Variants in NALF1 observed in about 807,000 individuals in gnomAD.
NALF1 encodes the protein family with sequence similarity 155 member A.
In NALF1, 3 loss-of-function variants were observed where a neutral mutation model predicts 48.4. That is an observed-to-expected ratio of 0.06 (90% CI 0.03 to 0.16). The LOEUF (loss-of-function observed/expected upper bound fraction) is 0.16. Among genes scored for constraint, NALF1 ranks in the 10% least tolerant of loss-of-function variants. NALF1 has a pLI of 1.00. For missense variants in NALF1, 526 were observed against 571.5 expected (o/e 0.92, Z 0.81); for synonymous variants, 262 against 245.7 (o/e 1.07, Z -0.62).
chr13:107,739,897 T>C (rs1876583935), intron 1 of NALF1, among the ~76,000 whole-genome samples: 1 of 152,218 alleles, frequency 6.6e-6, no homozygotes, highest in Admixed American at 6.5e-5. Context: ...GTGCTACTTA[T>C]GAGAATCTAA....
At chr13:107,748,910 G>T (rs1876854630) in intron 1 of NALF1, among the ~76,000 whole-genome samples, 2 of 152,148 alleles carry the variant, frequency 1.3e-5, no homozygotes, top group East Asian at 3.9e-4. Flanking sequence ...ATGGGCACCA[G>T]ATAGCCTGAG....
chr13:107,756,044 G>A (rs1160142369), intron 1 of NALF1, among the ~76,000 whole-genome samples: 1 of 152,086 alleles, frequency 6.6e-6, no homozygotes, highest in Non-Finnish European at 1.5e-5. Context: ...TGCTTCCTAG[G>A]TTACTAAAGA....
intron 1 of NALF1, among the ~76,000 whole-genome samples, chr13:107,580,854 G>A (rs182447071): frequency 4.6e-5 from 7 of 152,208 alleles, no homozygotes; most frequent in Admixed American, 3.3e-4. Context: ...CTACAGACTT[G>A]GTGATGATTC....
chr13:107,361,342 G>A (rs1883057172), intron 1 of NALF1, among the ~76,000 whole-genome samples: 1 of 152,174 alleles, frequency 6.6e-6, no homozygotes, highest in Non-Finnish European at 1.5e-5. Context: ...ACTGGCTCAG[G>A]AAATAGTAAG....
chr13:107,300,924 T>A (rs546862171), intron 1 of NALF1, among the ~76,000 whole-genome samples: 1 of 152,328 alleles, frequency 6.6e-6, no homozygotes, highest in South Asian at 2.1e-4. Context: ...TCAGGTGTTG[T>A]TAAATACATT....
chr13:107,608,134 A>G (rs546325358), intron 1 of NALF1, among the ~76,000 whole-genome samples: 58 of 152,314 alleles, frequency 3.8e-4, no homozygotes, highest in African/African-American at 1.3e-3. Context: ...TTTGATGAAC[A>G]GAATGTGTTG....
chr13:107,211,412 G>C (rs1280216772), intron 1 of NALF1, among the ~76,000 whole-genome samples: 2 of 152,226 alleles, frequency 1.3e-5, no homozygotes, highest in Non-Finnish European at 2.9e-5. Flanking sequence ...AGCCTCATCA[G>C]AGCCACAGCT....
intron 1 of NALF1, among the ~76,000 whole-genome samples, chr13:107,561,239 T>C (rs1303155624): frequency 6.6e-6 from 1 of 152,224 alleles, no homozygotes; most frequent in Non-Finnish European, 1.5e-5. Context: ...TCCCCTGTTC[T>C]GATGGAGAAT....
Position 107,492,450 on chromosome 13 carries a change from C to A in NALF1, c.916-281695G>T, listed in dbSNP as rs531835461. On this transcript the variant is annotated intron_variant, in intron 1 of 2. Transcript: ENST00000375915. ...CCCTACAGTATTGTCCTCTTGTTGCCGCACATATTCTTTCCCGCACCACAG... is the reference window on the plus strand; with the variant it reads ...CCCTACAGTATTGTCCTCTTGTTGCAGCACATATTCTTTCCCGCACCACAG... 3.3e-5 allele frequency among the ~76,000 whole-genome samples: 5 copies of A among 152,150 alleles called. No individual in the cohort carries two copies. The South Asian group carries it at 1.0e-3, about 32-fold the overall frequency.
chr13:107,489,144 GA>G (rs140078110), intron 1 of NALF1, among the ~76,000 whole-genome samples: 20 of 151,212 alleles, frequency 1.3e-4, no homozygotes, highest in African/African-American at 3.9e-4. Context: ...AATCAAATGG[GA>G]AAAAAAACAT....
chr13:107,787,662 T>A (rs4083985), intron 1 of NALF1, among the ~76,000 whole-genome samples: 88,384 of 152,074 alleles, frequency 0.58, 26,044 homozygotes, highest in East Asian at 0.73. Context: ...TAGTAAATGA[T>A]TAAGTACAAT....
At chr13:107,194,216 T>C (rs1879346048) in intron 2 of NALF1, among the ~76,000 whole-genome samples, 2 of 152,190 alleles carry the variant, frequency 1.3e-5, no homozygotes, top group South Asian at 4.1e-4. Flanking sequence ...TTTCCTCACA[T>C]AGACATTGTG....
intron 1 of NALF1, among the ~76,000 whole-genome samples, chr13:107,595,639 G>A (rs1028995046): frequency 2.1e-4 from 32 of 152,104 alleles, no homozygotes; most frequent in Non-Finnish European, 5.9e-5. Context: ...ATATTTTCCA[G>A]ATAATTGCTT....
At chr13:107,549,991 T>C (rs1354967677) in intron 1 of NALF1, among the ~76,000 whole-genome samples, 6 of 152,144 alleles carry the variant, frequency 3.9e-5, no homozygotes, top group African/African-American at 1.4e-4. Flanking sequence ...AGATAGACCA[T>C]TAAATTTTTA....
intron 1 of NALF1, among the ~76,000 whole-genome samples, chr13:107,477,062 T>G (rs985567822): frequency 3.9e-5 from 6 of 152,110 alleles, no homozygotes; most frequent in African/African-American, 1.4e-4. Context: ...GAAATAAAAG[T>G]CATCTTTGTC....
chr13:107,712,114 G>A (rs1372763526), intron 1 of NALF1, among the ~76,000 whole-genome samples: 2 of 151,686 alleles, frequency 1.3e-5, no homozygotes, highest in Non-Finnish European at 2.9e-5. Flanking sequence ...CCTTAATTAA[G>A]TAGTTACATT....
At chr13:107,627,404 A>T (rs944769981) in intron 1 of NALF1, among the ~76,000 whole-genome samples, 4 of 152,088 alleles carry the variant, frequency 2.6e-5, no homozygotes, top group Non-Finnish European at 4.4e-5. Context: ...AGAAAAGCCT[A>T]TAATGGAGTC....
intron 1 of NALF1, among the ~76,000 whole-genome samples, chr13:107,629,988 T>C (rs1252100465): frequency 3.3e-5 from 5 of 152,140 alleles, no homozygotes; most frequent in African/African-American, 9.6e-5. Context: ...CGATCATTCA[T>C]CTGTCTATTT....
chr13:107,818,645 G>A (rs917264269), intron 1 of NALF1, among the ~76,000 whole-genome samples: 3 of 112,332 alleles, frequency 2.7e-5, no homozygotes, highest in African/African-American at 9.9e-5. Context: ...GGCCGAGGCG[G>A]GCGGATCACG....
Sources: allele counts gnomAD v4.1 joint callset (sites outside exome capture counted in the v4.1 genomes callset), GRCh38; gene constraint gnomAD v4.1.1; transcripts MANE v1.5; gene names NCBI Gene and HGNC (gene_info 2026-07-23, HGNC 2026-07-21).